Variants in PRR14L observed in about 807,000 individuals in gnomAD.
PRR14L encodes protein PRR14L.
Under a neutral mutation model 155.0 loss-of-function variants are expected in PRR14L, and 80 were observed. The observed-to-expected ratio is 0.52, with a 90% CI of 0.43 to 0.62. The LOEUF is 0.62. PRR14L is among the 20% of genes least tolerant of loss of function. The pLI, the probability that PRR14L is intolerant of heterozygous loss-of-function variation, is 0.00. For missense variants in PRR14L, 2,469 were observed against 2,548.0 expected (o/e 0.97, Z 0.67); for synonymous variants, 883 against 916.0 (o/e 0.96, Z 0.65).
chr22:31,704,068 A>G (rs184708845), intron 5 of PRR14L, among the ~76,000 whole-genome samples: 122 of 152,280 alleles, frequency 8.0e-4, no homozygotes, highest in African/African-American at 2.7e-3. Flanking sequence ...AAGTGCTGGG[A>G]TTACAGGTGT....
rs532670344 is a variant in PRR14L at position 31,716,211 on chromosome 22, G to C, written c.1628C>G (p.Ser543Cys). The C allele has an allele frequency of 3.0e-5, 47 of 1,551,542 alleles. No homozygotes were observed. In the East Asian group the frequency reaches 1.1e-3, roughly 35 times the overall value. Residue 543 changes from serine (S) to cysteine (C), a missense_variant, in exon 4 of 9, where the codon TCC becomes TGC. Physicochemically the swap from Ser to Cys is moderately radical, Grantham distance 112 (BLOSUM62 -1). Around this residue, in one of 2 missense-constraint regions of PRR14L, gnomAD observed 2,363 missense variants for 2,371.6 expected, o/e 1.00. Transcript: ENST00000327423. ...SKSFYTKDCN[S>C]LVSIQRNLEG... ...CAGATTTCTCTGGATGCTGACTAAG[G>C]AGTTACAGTCTTTAGTGTAAAAAGA...
In PRR14L at chr22:31,714,062, T is replaced by G. The variant is rs749435478; in HGVS notation, c.3777A>C (p.Lys1259Asn). Residue 1259 changes from lysine (K) to asparagine (N), a missense_variant, in exon 4 of 9, where the codon AAA (lysine) becomes AAC (asparagine). Lys to Asn is a moderately conservative substitution (Grantham distance 94, BLOSUM62 0). Coordinates refer to ENST00000327423, the MANE Select transcript of PRR14L (RefSeq NM_173566.3). ...CACCATCTTTTGGTTTACAAAGATT[T>G]TTCAGGTCAGTTTCTTCACTGTTAA... ...TNVNSEETDL[K>N]NLCKPKDGEM... is the part of the protein sequence containing the mutation. The G allele has an allele frequency of 1.9e-6, 3 of 1,550,202 alleles. No individual in the cohort carries two copies. Among genetic ancestry groups the G allele is most frequent in the South Asian group, 2.4e-5 (2 of 83,510 alleles).
chr22:31,706,460 T>C (rs896524892), intron 4 of PRR14L, among the ~76,000 whole-genome samples: 10 of 143,578 alleles, frequency 7.0e-5, no homozygotes, highest in Non-Finnish European at 1.5e-4. Flanking sequence ...AGTCTCACTT[T>C]GTCACCCAGG....
chr22:31,726,175 G>C (rs547260835), intron 2 of PRR14L, among the ~76,000 whole-genome samples: 22 of 152,000 alleles, frequency 1.4e-4, no homozygotes, highest in Non-Finnish European at 2.6e-4. Context: ...AGAGGTTGCA[G>C]TGAGCCAAGA....
chr22:31,739,654 G>A (rs895085017), intron 1 of PRR14L, among the ~76,000 whole-genome samples: 5 of 152,170 alleles, frequency 3.3e-5, no homozygotes, highest in Admixed American at 2.0e-4. Context: ...CACACCTGAG[G>A]AGGTTAAATA....
intron 7 of PRR14L, among the ~76,000 whole-genome samples, chr22:31,698,790 C>T (rs975629487): frequency 6.6e-6 from 1 of 151,266 alleles, no homozygotes; most frequent in Non-Finnish European, 1.5e-5. Flanking sequence ...GGCGTACTGG[C>T]GGGCGCCTGT....
Position 31,714,308 on chromosome 22 carries a change from A to G in PRR14L, c.3531T>C (p.Asn1177=), listed in dbSNP as rs1447168311. 1 of 1,551,622 alleles carries G rather than the reference A, an allele frequency of 6.4e-7. No homozygotes were observed. The highest frequency in any genetic ancestry group is 1.4e-5 in the African/African-American group (1 of 73,036). The change falls in exon 4 of 9, where the codon AAT becomes AAC. Residue 1177 remains asparagine, a synonymous_variant. Coordinates refer to ENST00000327423, the MANE Select transcript of PRR14L (RefSeq NM_173566.3). The part of the protein sequence containing the change: ...RILGRVNLSL[N]DSHYGQQDKG... ...TATCTTGCTGTCCATAATGGCTATC[A>G]TTTAAAGACAAATTTACTCTGCCCA... is the stretch of plus-strand genomic sequence containing the variant.
chr22:31,697,927 G>A (rs2074543480), intron 7 of PRR14L, among the ~76,000 whole-genome samples: 1 of 152,142 alleles, frequency 6.6e-6, no homozygotes, highest in African/African-American at 2.4e-5. Flanking sequence ...AACACTTGAA[G>A]TGTACAAAAC....
Position 31,684,070 on chromosome 22 carries a change from A to G in PRR14L, c.*1457T>C, listed in dbSNP as rs1279343444. The G allele has an allele frequency of 1.3e-5, 2 of 152,156 alleles. No individual in the cohort carries two copies. The highest frequency in any genetic ancestry group is 2.9e-5 in the Non-Finnish European group (2 of 68,082). 9.4% of individuals were successfully genotyped at this position (152,156 alleles called of 1,614,324 possible). A position where few individuals can be genotyped will look rare whatever the true frequency, so the allele number is the denominator to read the frequency against. ...GTTAATTCTCTAAACTCTTGTTTTG[A>G]GAGAGAAAGAGAAACCCCTAGAGAA... On this transcript the variant is annotated 3_prime_UTR_variant, in exon 9 of 9. Transcript: ENST00000327423.
At position 31,711,978 on chromosome 22, in the gene PRR14L, A is replaced by G. The variant is rs544168646; in HGVS notation, c.5756+105T>C. The G allele has an allele frequency of 5.8e-5, 63 of 1,083,020 alleles. 1 individual carries two copies. The Admixed American group carries it at 1.5e-3, about 25-fold the overall frequency. The allele number at this position is 1,083,020 out of a possible 1,614,324, so 67.1% of individuals were successfully genotyped here. ...CAAGGTAAATAGAAAATGCAGACCC[A>G]AGAGGACTCTAAATAGCCTTGCATT... On this transcript the variant is annotated intron_variant, in intron 4 of 8. Coordinates refer to ENST00000327423, the MANE Select transcript of PRR14L (RefSeq NM_173566.3).
chr22:31,738,677 C>A lies in PRR14L; in HGVS notation c.184G>T (p.Ala62Ser). The change falls in exon 2 of 9, where the codon GCA becomes TCA. Residue 62 changes from alanine (A) to serine (S), a missense_variant. Physicochemically the swap from Ala to Ser is moderately conservative, Grantham distance 99. Coordinates refer to ENST00000327423, the MANE Select transcript of PRR14L (RefSeq NM_173566.3). ...ASSSLLSQNR[A>S]LPLELQRTHV... ...GTCCTCTGCAGCTCCAAGGGCAATG[C>A]CCTATTCTGACTTAAAAGAGAGCTT... is the stretch of plus-strand genomic sequence containing the variant. 6.4e-7 allele frequency: 1 copy of A among 1,552,008 alleles called. No individual in the cohort carries two copies. The highest frequency in any genetic ancestry group is 8.7e-7 in the Non-Finnish European group (1 of 1,147,068).
chr22:31,696,636 C>G (rs1035573481), intron 7 of PRR14L, among the ~76,000 whole-genome samples: 3 of 152,226 alleles, frequency 2.0e-5, no homozygotes, highest in Non-Finnish European at 2.9e-5. Context: ...GCAGGTCTCT[C>G]TGTTCCCACA....
At chr22:31,742,684 G>C (rs2074818927) in intron 1 of PRR14L, among the ~76,000 whole-genome samples, 1 of 152,010 alleles carries the variant, frequency 6.6e-6, no homozygotes, top group Non-Finnish European at 1.5e-5. Context: ...CTTCCTTTAA[G>C]CACAGAGTTA....
At chr22:31,708,484 A>G (rs2074603137) in intron 4 of PRR14L, among the ~76,000 whole-genome samples, 1 of 151,068 alleles carries the variant, frequency 6.6e-6, no homozygotes, top group Non-Finnish European at 1.5e-5. Flanking sequence ...GAACCACCAT[A>G]CCCAGCTAAT....
chr22:31,726,626 C>G (rs990921957), intron 2 of PRR14L, among the ~76,000 whole-genome samples: 1 of 152,154 alleles, frequency 6.6e-6, no homozygotes, highest in Admixed American at 6.6e-5. Flanking sequence ...CTATTCTCTG[C>G]TTTTCCAGTT....
intron 7 of PRR14L, among the ~76,000 whole-genome samples, chr22:31,694,231 C>T (rs1169619077): frequency 1.3e-5 from 2 of 152,212 alleles, no homozygotes; most frequent in Admixed American, 6.5e-5. Context: ...GAGCCAAGAT[C>T]GTGCCACTGC....
At position 31,712,751 on chromosome 22, in the gene PRR14L, G is replaced by C. The variant is rs2074630773; in HGVS notation, c.5088C>G (p.Ile1696Met). 6.4e-7 allele frequency: 1 copy of C among 1,551,856 alleles called. No individual in the cohort carries two copies. The highest frequency in any genetic ancestry group is 8.7e-7 in the Non-Finnish European group (1 of 1,147,022). The change falls in exon 4 of 9, where the codon ATC becomes ATG. Residue 1696 changes from isoleucine to methionine, a missense_variant. This residue lies in a region of PRR14L where 2,363 missense variants were observed against 2,371.6 expected (regional missense o/e 1.00). Coordinates refer to ENST00000327423, the MANE Select transcript of PRR14L (RefSeq NM_173566.3). ...TGCTCAAATCTATGAAGGTCATCTT[G>C]ATGGATTCGAGAGAATAAAGTGCCA... ...KPMALYSLES[I>M]KMTFIDLSNK...
At chr22:31,747,988 CA>C (rs150809029) in intron 1 of PRR14L, among the ~76,000 whole-genome samples, 116 of 143,514 alleles carry the variant, frequency 8.1e-4, no homozygotes, top group Non-Finnish European at 1.2e-3. Flanking sequence ...CAGCAACAAG[CA>C]AAAAAAAAAC....
chr22:31,694,340 G>A (rs1013345359), intron 7 of PRR14L, among the ~76,000 whole-genome samples: 4 of 151,836 alleles, frequency 2.6e-5, no homozygotes, highest in African/African-American at 9.7e-5. Context: ...AAAGTGCTAG[G>A]ATTACAGGCG....
Sources: gnomAD v4.1 joint callset for allele counts (sites outside exome capture counted in the v4.1 genomes callset) on GRCh38, gnomAD v4.1.1 for gene constraint, gnomAD v4.1.1 regional missense constraint, MANE v1.5 for transcripts, NCBI Gene and HGNC (gene_info 2026-07-23, HGNC 2026-07-21) for gene names.